Variants in ANKRD11 observed in about 807,000 individuals in gnomAD.
ANKRD11 encodes ankyrin repeat domain-containing protein 11.
Under a neutral mutation model 195.7 loss-of-function variants are expected in ANKRD11, and 17 were observed. The ratio of observed to expected loss-of-function variants is 0.09; its 90% CI spans 0.06 to 0.13. The LOEUF is 0.13. ANKRD11 is among the 10% of genes least tolerant of loss of function. The pLI is 1.00. For synonymous variants in ANKRD11, 1,953 were observed against 1,528.1 expected, an observed-to-expected ratio of 1.28 and a Z score of -6.49; for missense variants, 3,735 against 3,566.1, an observed-to-expected ratio of 1.05 and a Z score of -1.21.
intron 2 of ANKRD11, among the ~76,000 whole-genome samples, chr16:89,384,076 C>T (rs1597226317): frequency 6.6e-6 from 1 of 152,196 alleles, no homozygotes; most frequent in Non-Finnish European, 1.5e-5. Context: ...AAAAATTAGC[C>T]GGGCGTGGTG....
intron 4 of ANKRD11, among the ~76,000 whole-genome samples, chr16:89,296,433 C>G (rs1014177640): frequency 2.0e-5 from 3 of 152,164 alleles, no homozygotes; most frequent in African/African-American, 7.2e-5. Flanking sequence ...GCTCCAGAGT[C>G]TAGGCAATCT....
chr16:89,359,966 G>T (rs1452451096), intron 2 of ANKRD11, among the ~76,000 whole-genome samples: 6 of 151,990 alleles, frequency 3.9e-5, no homozygotes. Flanking sequence ...TGTCGGCAGT[G>T]GGCGGGGGGG....
intron 2 of ANKRD11, among the ~76,000 whole-genome samples, chr16:89,377,076 AC>A (rs1318658754): frequency 6.6e-6 from 1 of 152,232 alleles, no homozygotes; most frequent in Non-Finnish European, 1.5e-5. Context: ...CCAGTAAGGA[AC>A]TGCCTTAAAT....
At chr16:89,353,585 C>T (rs1235468975) in intron 2 of ANKRD11, among the ~76,000 whole-genome samples, 1 of 151,976 alleles carries the variant, frequency 6.6e-6, no homozygotes, top group East Asian at 2.0e-4. Flanking sequence ...TCAAGCAATT[C>T]TCCTGCCTCA....
At chr16:89,273,737 G>C (rs1200131453) in intron 11 of ANKRD11, among the ~76,000 whole-genome samples, 2 of 151,928 alleles carry the variant, frequency 1.3e-5, no homozygotes, top group Non-Finnish European at 2.9e-5. Context: ...GTGTATATGA[G>C]AGACATTGAT....
At chr16:89,347,391 C>T (rs754687096) in intron 2 of ANKRD11, among the ~76,000 whole-genome samples, 5 of 152,078 alleles carry the variant, frequency 3.3e-5, no homozygotes, top group Non-Finnish European at 7.4e-5. Context: ...AGGCGGATCA[C>T]GAGGTCAGGA....
intron 1 of ANKRD11, among the ~76,000 whole-genome samples, chr16:89,434,548 G>C (rs1288344209): frequency 6.6e-6 from 1 of 152,212 alleles, no homozygotes; most frequent in Non-Finnish European, 1.5e-5. Flanking sequence ...GTCACAGTAA[G>C]GCTGCAGAAG....
intron 12 of ANKRD11, among the ~76,000 whole-genome samples, chr16:89,269,554 G>A (rs1270524343): frequency 6.7e-6 from 1 of 149,346 alleles, no homozygotes; most frequent in Non-Finnish European, 1.5e-5. Context: ...GTGAGTCACT[G>A]AATTACTGAT....
At chr16:89,411,251 T>C (rs528942367) in intron 2 of ANKRD11, among the ~76,000 whole-genome samples, 1 of 152,310 alleles carries the variant, frequency 6.6e-6, no homozygotes, top group East Asian at 1.9e-4. Context: ...CCCAGGGACC[T>C]TTTTGCTCTA....
intron 2 of ANKRD11, among the ~76,000 whole-genome samples, chr16:89,381,888 G>C (rs912966461): frequency 2.6e-5 from 4 of 152,238 alleles, no homozygotes; most frequent in Non-Finnish European, 4.4e-5. Flanking sequence ...CCACTCACGT[G>C]GTGACCACAG....
chr16:89,342,159 C>T (rs747962413), intron 2 of ANKRD11, among the ~76,000 whole-genome samples: 2 of 152,246 alleles, frequency 1.3e-5, no homozygotes, highest in Admixed American at 1.3e-4. Context: ...TAGATCTTGG[C>T]GTCTGGGCCT....
At chr16:89,293,688 C>T (rs1307789095) in intron 4 of ANKRD11, among the ~76,000 whole-genome samples, 1 of 118,922 alleles carries the variant, frequency 8.4e-6, no homozygotes, top group Non-Finnish European at 1.7e-5. Context: ...GGAGCTGGGG[C>T]AGAGTTGGGG....
intron 1 of ANKRD11, among the ~76,000 whole-genome samples, chr16:89,474,872 T>A (rs1428682433): frequency 1.3e-5 from 2 of 152,188 alleles, no homozygotes; most frequent in African/African-American, 4.8e-5. Flanking sequence ...AATAAAAAAA[T>A]AAAATGTAAG....
chr16:89,381,624 C>T (rs934079763), intron 2 of ANKRD11, among the ~76,000 whole-genome samples: 3 of 152,188 alleles, frequency 2.0e-5, no homozygotes, highest in African/African-American at 7.2e-5. Context: ...TGAAAGCTGT[C>T]AACATCCCCC....
intron 2 of ANKRD11, among the ~76,000 whole-genome samples, chr16:89,357,882 T>C (rs1368877092): frequency 6.6e-6 from 1 of 152,232 alleles, no homozygotes; most frequent in East Asian, 1.9e-4. Flanking sequence ...TGGGGACACC[T>C]TTCCTTTCTT....
chr16:89,270,999 T>TC (rs2033103009), intron 11 of ANKRD11, 90 bp from the exon 12 acceptor site: 6 of 1,227,200 alleles, frequency 4.9e-6, no homozygotes, highest in Non-Finnish European at 7.1e-6. Flanking sequence ...CAGTGACCGT[T>TC]CTCAAGGGAC....
rs545906437 is a variant in ANKRD11 at position 89,320,818 on chromosome 16, G to A, written c.-59-3740C>T. Among the ~76,000 whole-genome samples, 9 of 152,366 alleles carry A rather than the reference G, an allele frequency of 5.9e-5. No homozygotes were observed. In the South Asian group the frequency reaches 1.2e-3, roughly 21 times the overall value. ...GGGCCAGCTGATGCTGGGAACAGCC[G>A]TCCTTGCCCTGTGCCTCTCCACACT... On this transcript the variant is annotated intron_variant, in intron 2 of 12. Transcript: ENST00000301030.
intron 2 of ANKRD11, among the ~76,000 whole-genome samples, chr16:89,398,901 C>A (rs1290907654): frequency 6.6e-6 from 1 of 152,154 alleles, no homozygotes; most frequent in Non-Finnish European, 1.5e-5. Context: ...TGGCTGTGCA[C>A]AGCCACCCAG....
intron 1 of ANKRD11, among the ~76,000 whole-genome samples, chr16:89,472,629 C>A (rs1254445873): frequency 6.6e-6 from 1 of 152,184 alleles, no homozygotes; most frequent in East Asian, 1.9e-4. Flanking sequence ...CTGCGCCCAG[C>A]TTATTCCATT....
Sources: gnomAD v4.1 joint callset for allele counts (sites outside exome capture counted in the v4.1 genomes callset) on GRCh38, gnomAD v4.1.1 for gene constraint, MANE v1.5 for transcripts, NCBI Gene and HGNC (gene_info 2026-07-23, HGNC 2026-07-21) for gene names.